PDXK: variants seen among roughly 807,000 people sequenced by gnomAD.
The protein encoded by PDXK is pyridoxal kinase, also known as epididymis secretory sperm binding protein Li 1a.
A neutral mutation model predicts 43.2 loss-of-function variants in PDXK; 15 were observed. The ratio of observed to expected loss-of-function variants is 0.35; its 90% CI spans 0.23 to 0.53. The LOEUF (loss-of-function observed/expected upper bound fraction) is 0.53. Among genes scored for constraint, PDXK ranks in the 20% least tolerant of loss-of-function variants. The probability of loss-of-function intolerance (pLI) is 0.92; values close to 1 mark genes in which losing one functional copy is unlikely to be tolerated. For missense variants in PDXK, 343 were observed against 417.0 expected (o/e 0.82, Z 1.54); for synonymous variants, 172 against 165.4 (o/e 1.04, Z -0.31).
At chr21:43,750,837 C>CGT (rs200540030) in intron 7 of PDXK, among the ~76,000 whole-genome samples, 5 of 146,182 alleles carry the variant, frequency 3.4e-5, no homozygotes, top group East Asian at 2.0e-4. Context: ...CATGTGTGCA[C>CGT]GTGTGTGTGT....
chr21:43,748,974 C>G, intron 5 of PDXK, 21 bp from the exon 6 acceptor site: 1 of 1,513,474 alleles, frequency 6.6e-7, no homozygotes, highest in East Asian at 2.3e-5. Flanking sequence ...AGCCTCTCCT[C>G]CTGTCTCCTT....
At chr21:43,739,421 A>T (rs1368787367) in intron 2 of PDXK, among the ~76,000 whole-genome samples, 4 of 152,214 alleles carry the variant, frequency 2.6e-5, no homozygotes, top group African/African-American at 7.2e-5. Flanking sequence ...CCCAACACTA[A>T]TAAAGACATA....
intron 1 of PDXK, among the ~76,000 whole-genome samples, chr21:43,725,277 C>A (rs558318886): frequency 2.6e-5 from 4 of 151,192 alleles, no homozygotes; most frequent in Admixed American, 6.6e-5. Context: ...GAGCCGAGAT[C>A]GCGCCACTGC....
intron 1 of PDXK, among the ~76,000 whole-genome samples, chr21:43,724,268 G>C (rs1418535501): frequency 6.6e-6 from 1 of 152,168 alleles, no homozygotes; most frequent in Non-Finnish European, 1.5e-5. Flanking sequence ...GAAGAGGCAG[G>C]GGGCTCCCTG....
At chr21:43,731,612 C>T (rs1156247177) in intron 1 of PDXK, among the ~76,000 whole-genome samples, 1 of 151,296 alleles carries the variant, frequency 6.6e-6, no homozygotes, top group Non-Finnish European at 1.5e-5. Flanking sequence ...TTGTTGAAGG[C>T]GATTCCTGTG....
intron 5 of PDXK, among the ~76,000 whole-genome samples, chr21:43,747,627 C>A (rs2083661199): frequency 6.6e-6 from 1 of 152,246 alleles, no homozygotes; most frequent in African/African-American, 2.4e-5. Flanking sequence ...CAGCTCCCTG[C>A]CTTCCCTTCA....
chr21:43,732,154 T>C lies in PDXK; in HGVS notation c.88-1915T>C. 7.2e-7 allele frequency: 1 copy of C among 1,391,506 alleles called. No homozygotes were observed. Among genetic ancestry groups the C allele is most frequent in the Non-Finnish European group, 9.3e-7 (1 of 1,075,912 alleles). The allele number at this position is 1,391,506 out of a possible 1,614,324, so 86.2% of individuals were successfully genotyped here. A position where few individuals can be genotyped will look rare whatever the true frequency, so the allele number is the denominator to read the frequency against. On this transcript the variant is annotated intron_variant, in intron 1 of 10. Coordinates refer to ENST00000291565, the MANE Select transcript of PDXK (RefSeq NM_003681.5). The surrounding 1 kb of genome is among the most constrained non-coding windows in gnomAD (Gnocchi z 4.1). ...CTCTTCGCAGGCTTCAGTTTCACAT[T>C]CTTGGTACCTCCTGGTGGTGCCTGG...
At chr21:43,739,615 C>T (rs1306327223) in intron 2 of PDXK, among the ~76,000 whole-genome samples, 2 of 150,992 alleles carry the variant, frequency 1.3e-5, no homozygotes, top group Non-Finnish European at 3.0e-5. Flanking sequence ...TTGAAACCAT[C>T]AGCTTTTGTG....
intron 1 of PDXK, among the ~76,000 whole-genome samples, chr21:43,729,476 T>G (rs957735129): frequency 1.3e-5 from 2 of 151,880 alleles, no homozygotes; most frequent in African/African-American, 2.4e-5. Context: ...CAGTGAGGAG[T>G]TCACAGAGTG....
chr21:43,755,061 C>T (rs1207888602), intron 9 of PDXK, among the ~76,000 whole-genome samples: 1 of 152,214 alleles, frequency 6.6e-6, no homozygotes, highest in Non-Finnish European at 1.5e-5. Flanking sequence ...AAAGTGCCAG[C>T]TGGCACCCCG....
chr21:43,752,620 CAGA>C lies in PDXK; in HGVS notation c.614_616del (p.Gln205del). On this transcript the variant is annotated inframe_deletion, in exon 8 of 11. Transcript: ENST00000291565. Reference sequence around the variant, plus strand: ...CAACTACCTGATTGTGCTGGGGAGTCAGAGGAGGAGTAAGTGCCCCCATCGTGC... The same window carrying C: ...CAACTACCTGATTGTGCTGGGGAGTCGGAGGAGTAAGTGCCCCCATCGTGC... The C allele has an allele frequency of 6.2e-7, 1 of 1,606,710 alleles. No individual in the cohort carries two copies. The highest frequency in any genetic ancestry group is 8.5e-7 in the Non-Finnish European group (1 of 1,173,926).
chr21:43,750,162 G>A lies in PDXK; in HGVS notation c.465-338G>A, dbSNP rs964792113. 4.6e-5 allele frequency among the ~76,000 whole-genome samples: 7 copies of A among 152,216 alleles called. No individual in the cohort carries two copies. The South Asian group carries it at 1.0e-3, about 22-fold the overall frequency. ...GCCCATGCGTGCATTAATCGCTAGC[G>A]GCTCTTTGACTTTGTATGGATGTCA... is the stretch of plus-strand genomic sequence containing the variant. On this transcript the variant is annotated intron_variant, in intron 6 of 10. Coordinates refer to ENST00000291565, the MANE Select transcript of PDXK (RefSeq NM_003681.5).
At chr21:43,727,262 A>C (rs2147211817) in intron 1 of PDXK, among the ~76,000 whole-genome samples, 1 of 152,304 alleles carries the variant, frequency 6.6e-6, no homozygotes, top group South Asian at 2.1e-4. Context: ...GACGCTGAGG[A>C]ATAAGAACAG....
At chr21:43,721,022 T>A (rs1362114893) in intron 1 of PDXK, among the ~76,000 whole-genome samples, 1 of 152,254 alleles carries the variant, frequency 6.6e-6, no homozygotes, top group Admixed American at 6.5e-5. Flanking sequence ...ATGGCGCTGC[T>A]GTTCCTACCT....
At chr21:43,749,585 G>A (rs1189452109) in intron 6 of PDXK, among the ~76,000 whole-genome samples, 4 of 152,240 alleles carry the variant, frequency 2.6e-5, no homozygotes, top group African/African-American at 4.8e-5. Context: ...TGGTGGGGGC[G>A]CCTGGGTTGG....
At position 43,760,051 on chromosome 21, in the gene PDXK, T is replaced by G. The variant is rs762405; in HGVS notation, c.*3988T>G. 0.65 allele frequency: 85,247 copies of G among 131,030 alleles called. 24,659 individuals carry two copies. The highest frequency in any genetic ancestry group is 0.76 in the African/African-American group (28,605 of 37,616). 8.1% of individuals were successfully genotyped at this position (131,030 alleles called of 1,614,324 possible). ...TCCGGACTCCCAGCACAGGGGAGGA[T>G]ACCTGAGCCTGTATGGCCCTGTAGC... On this transcript the variant is annotated 3_prime_UTR_variant, in exon 11 of 11. Coordinates refer to ENST00000291565, the MANE Select transcript of PDXK (RefSeq NM_003681.5).
At chr21:43,755,064 G>C (rs986969004) in intron 9 of PDXK, among the ~76,000 whole-genome samples, 1 of 152,196 alleles carries the variant, frequency 6.6e-6, no homozygotes, top group African/African-American at 2.4e-5. Context: ...GTGCCAGCTG[G>C]CACCCCGAGG....
chr21:43,732,885 TAC>T lies in PDXK; in HGVS notation c.88-1182_88-1181del, dbSNP rs1601793002. Among the ~76,000 whole-genome samples, 1 of 152,262 alleles carries T rather than the reference TAC, an allele frequency of 6.6e-6. No homozygotes were observed. The highest frequency in any genetic ancestry group is 1.9e-4 in the East Asian group (1 of 5,182). ...CCTCAGCCTCCCGAGTAGCTGGGAC[TAC>T]AGACATGTGCCACCACGCCCGGCTA... On this transcript the variant is annotated intron_variant, in intron 1 of 10. Transcript: ENST00000291565. The surrounding 1 kb of genome is among the most constrained non-coding windows in gnomAD (Gnocchi z 4.1).
chr21:43,735,565 T>A lies in PDXK; in HGVS notation c.142+1442T>A, dbSNP rs1226408877. Reference sequence around the variant, plus strand: ...CCCAGGCGCTTGGGAGCCTCCACAGTTGCAGAGCCAGGCAGACAGCCTGGG... The same window carrying A: ...CCCAGGCGCTTGGGAGCCTCCACAGATGCAGAGCCAGGCAGACAGCCTGGG... On this transcript the variant is annotated intron_variant, in intron 2 of 10. Transcript: ENST00000291565. This position sits in a 1 kb window ranked among gnomAD's most constrained non-coding sequence, Gnocchi z 5.3. 6.6e-6 allele frequency among the ~76,000 whole-genome samples: 1 copy of A among 152,188 alleles called. No homozygotes were observed. The highest frequency in any genetic ancestry group is 1.5e-5 in the Non-Finnish European group (1 of 68,024).
Sources: allele counts gnomAD v4.1 joint callset (sites outside exome capture counted in the v4.1 genomes callset), GRCh38; gene constraint gnomAD v4.1.1; non-coding constraint Gnocchi (gnomAD v3.1); transcripts MANE v1.5; gene names NCBI Gene and HGNC (gene_info 2026-07-23, HGNC 2026-07-21).